TMPRSS9: variants seen among roughly 807,000 people sequenced by gnomAD.
The protein encoded by TMPRSS9 is transmembrane serine protease 9.
A neutral mutation model predicts 111.4 loss-of-function variants in TMPRSS9; 113 were observed. The ratio of observed to expected loss-of-function variants is 1.01; its 90% CI spans 0.87 to 1.19. The LOEUF is 1.19. Among genes scored for constraint, TMPRSS9 ranks in the 50% most tolerant of loss-of-function variants. TMPRSS9 has a pLI of 0.00. For missense variants in TMPRSS9, 1,803 were observed against 1,513.1 expected (o/e 1.19, Z -3.18); for synonymous variants, 805 against 659.1 (o/e 1.22, Z -3.39).
At chr19:2,415,467 C>T (rs1462978001) in intron 10 of TMPRSS9, among the ~76,000 whole-genome samples, 1 of 151,908 alleles carries the variant, frequency 6.6e-6, no homozygotes, top group Non-Finnish European at 1.5e-5. Context: ...TAACTTCTGT[C>T]CCCGAAGCGA....
At chr19:2,419,315 T>G (rs1468949837) in intron 13 of TMPRSS9, among the ~76,000 whole-genome samples, 4 of 149,966 alleles carry the variant, frequency 2.7e-5, no homozygotes, top group Non-Finnish European at 4.4e-5. Context: ...GCGAGTCTCC[T>G]GCCTCAGCCT....
chr19:2,408,033 C>G (rs1267680864), intron 7 of TMPRSS9, among the ~76,000 whole-genome samples: 1 of 152,062 alleles, frequency 6.6e-6, no homozygotes, highest in African/African-American at 2.4e-5. Flanking sequence ...CCTCCCGCCT[C>G]AGCCTCCCAA....
chr19:2,413,765 G>C (rs2087924193), exon 10 of TMPRSS9: 2 of 1,613,892 alleles, frequency 1.2e-6, no homozygotes, highest in Non-Finnish European at 1.7e-6. Context: ...CTGGCATCGT[G>C]AGCTGGGGAA....
chr19:2,406,310 G>T (rs189573874), intron 7 of TMPRSS9, among the ~76,000 whole-genome samples: 3 of 147,254 alleles, frequency 2.0e-5, no homozygotes, highest in Non-Finnish European at 4.5e-5. Flanking sequence ...GAGCCACTGC[G>T]CCCGGCCTCT....
At chr19:2,424,296 G>C (rs767403859) in intron 15 of TMPRSS9, 39 bp downstream of exon 16, 3 of 1,317,474 alleles carry the variant, frequency 2.3e-6, no homozygotes, top group East Asian at 2.8e-5. Flanking sequence ...ACATGTCTCT[G>C]TAGCTCACCC....
intron 6 of TMPRSS9, among the ~76,000 whole-genome samples, chr19:2,404,005 A>AAG (rs1186246349): frequency 4.0e-5 from 6 of 150,322 alleles, no homozygotes; most frequent in Middle Eastern, 3.4e-3. Context: ...AAAAAAAAAA[A>AAG]AAAAGAAAAA....
At chr19:2,387,768 CAG>C (rs1225908803), upstream of TMPRSS9, among the ~76,000 whole-genome samples, 4 of 151,996 alleles carry the variant, frequency 2.6e-5, no homozygotes, top group East Asian at 5.8e-4. Context: ...AAATAAAAAT[CAG>C]GGGTGGGGTG....
In TMPRSS9 at chr19:2,408,457, AC is replaced by A; in HGVS notation, c.949del (p.Leu317CysfsTer16). Reference sequence around the variant, plus strand: ...GCCCAGGTGGTCCAGATCGTCAAGCACCCCCTGTACAACGCGGACACGGCCG... The same window carrying A: ...GCCCAGGTGGTCCAGATCGTCAAGCACCCCTGTACAACGCGGACACGGCCG... On this transcript the variant is annotated frameshift_variant, in exon 8 of 18. Transcript: ENST00000648592. LOFTEE classifies it high-confidence loss of function. 6.2e-7 allele frequency: 1 copy of A among 1,613,308 alleles called. No individual in the cohort carries two copies. Among genetic ancestry groups the A allele is most frequent in the Non-Finnish European group, 8.5e-7 (1 of 1,179,880 alleles).
chr19:2,409,013 A>ATAATAATAC lies in TMPRSS9; in HGVS notation c.1117+391_1117+392insCTAATAATA, dbSNP rs1444182578. 2.1e-5 allele frequency among the ~76,000 whole-genome samples: 3 copies of ATAATAATAC among 140,392 alleles called. No homozygotes were observed. In the Admixed American group the frequency reaches 2.2e-4, roughly 10 times the overall value. The allele number at this position is 140,392 out of a possible 152,430, so 92.1% of individuals were successfully genotyped here. ...CAAAATAATAATAATAATAATAATAATAATAATAATAATAATAATGATGAT... is the reference window on the plus strand; with the variant it reads ...CAAAATAATAATAATAATAATAATAATAATAATACTAATAATAATAATAATAATGATGAT... On this transcript the variant is annotated intron_variant, in intron 8 of 17. Transcript: ENST00000648592.
intron 1 of TMPRSS9, among the ~76,000 whole-genome samples, chr19:2,363,218 C>T (rs1192897510): frequency 3.9e-5 from 6 of 152,186 alleles, no homozygotes; most frequent in Admixed American, 3.9e-4. Flanking sequence ...TCTAAAATTC[C>T]CTTTGCAGAA....
At chr19:2,374,015 G>A (rs1030673930) in intron 1 of TMPRSS9, among the ~76,000 whole-genome samples, 2 of 152,150 alleles carry the variant, frequency 1.3e-5, no homozygotes, top group Admixed American at 6.6e-5. Context: ...AAGAAGGCTC[G>A]TGTCTATCCT....
At chr19:2,398,981 C>T (rs1457398801) in intron 3 of TMPRSS9, 37 bp from the exon 5 acceptor site, 16 of 1,594,718 alleles carry the variant, frequency 1.0e-5, no homozygotes, top group Non-Finnish European at 1.3e-5. Context: ...AGGGCGGAGC[C>T]CCTCCCTCTC....
chr19:2,386,989 G>A (rs1970490598), upstream of TMPRSS9, among the ~76,000 whole-genome samples: 1 of 152,192 alleles, frequency 6.6e-6, no homozygotes, highest in Non-Finnish European at 1.5e-5. Context: ...GGGAGGCTGA[G>A]GAGGGAAGGT....
At chr19:2,418,226 T>A in intron 13 of TMPRSS9, 88 bp downstream of exon 14, 1 of 1,348,244 alleles carries the variant, frequency 7.4e-7, no homozygotes, top group South Asian at 1.4e-5. Context: ...CAGACCTAGA[T>A]TTTTTTCCTT....
At chr19:2,366,294 C>G (rs899663673) in intron 1 of TMPRSS9, among the ~76,000 whole-genome samples, 7 of 152,028 alleles carry the variant, frequency 4.6e-5, no homozygotes. Context: ...CTTCAGTGAG[C>G]TGTGATAGCA....
At chr19:2,421,069 T>G (rs962498284) in intron 13 of TMPRSS9, among the ~76,000 whole-genome samples, 3 of 151,472 alleles carry the variant, frequency 2.0e-5, no homozygotes, top group African/African-American at 7.3e-5. Flanking sequence ...AGCCGGGCGT[T>G]GTGGCTTATG....
chr19:2,362,929 GGTTGTGT>G (rs1438879192), intron 1 of TMPRSS9, among the ~76,000 whole-genome samples: 1 of 151,134 alleles, frequency 6.6e-6, no homozygotes, highest in East Asian at 1.9e-4. Context: ...TGTTGTGTGT[GGTTGTGT>G]GTTGTGTGTG....
chr19:2,363,805 CGT>C (rs143124624), intron 1 of TMPRSS9, among the ~76,000 whole-genome samples: 5,673 of 105,086 alleles, frequency 0.054, 218 homozygotes, highest in East Asian at 0.21. Context: ...TGTGTGTGTG[CGT>C]GCGCGCGTGT....
At chr19:2,416,402 G>A (rs1011816798) in intron 11 of TMPRSS9, 136 bp from the exon 13 acceptor site, 2 of 1,179,350 alleles carry the variant, frequency 1.7e-6, no homozygotes, top group Non-Finnish European at 2.3e-6. Flanking sequence ...CCTCCCTGGA[G>A]CCGAAGGTCA....
Sources: gnomAD v4.1 joint callset for allele counts (sites outside exome capture counted in the v4.1 genomes callset) on GRCh38, gnomAD v4.1.1 for gene constraint, MANE v1.5 for transcripts, NCBI Gene and HGNC (gene_info 2026-07-23, HGNC 2026-07-21) for gene names.